HOOK3: variants seen among roughly 807,000 people sequenced by gnomAD.
The protein encoded by HOOK3 is hook microtubule tethering protein 3, also known as protein Hook homolog 3.
A neutral mutation model predicts 116.3 loss-of-function variants in HOOK3; 24 were observed. That is an observed-to-expected ratio of 0.21 (90% CI 0.15 to 0.29). The LOEUF is 0.29. Among genes scored for constraint, HOOK3 ranks in the 10% least tolerant of loss-of-function variants. The probability of loss-of-function intolerance (pLI) is 1.00; values close to 1 mark genes in which losing one functional copy is unlikely to be tolerated. For synonymous variants in HOOK3, 275 were observed against 283.0 expected, an observed-to-expected ratio of 0.97 and a Z score of 0.28; for missense variants, 632 against 830.2, an observed-to-expected ratio of 0.76 and a Z score of 2.93.
At chr8:43,001,051 G>A (rs1355063083) in intron 16 of HOOK3, 1 of 151,922 alleles carries the variant, frequency 6.6e-6, no homozygotes, top group Non-Finnish European at 1.5e-5. Flanking sequence ...GAGGATCACT[G>A]AGGCCCACAA....
At chr8:42,982,267 AAAAG>A (rs1808965408) in intron 13 of HOOK3, among the ~76,000 whole-genome samples, 2 of 141,704 alleles carry the variant, frequency 1.4e-5, no homozygotes, top group Non-Finnish European at 3.1e-5. Context: ...AAAAAAAAAA[AAAAG>A]AAAAAAAAAA....
intron 1 of HOOK3, among the ~76,000 whole-genome samples, chr8:42,903,725 A>G (rs888135925): frequency 1.6e-5 from 1 of 61,972 alleles, no homozygotes; most frequent in Admixed American, 1.8e-4. Context: ...TGGGAGGCTA[A>G]GGCGGGCGGA....
At chr8:42,931,674 T>C (rs1015326832) in intron 4 of HOOK3, among the ~76,000 whole-genome samples, 26 of 151,874 alleles carry the variant, frequency 1.7e-4, no homozygotes, top group Non-Finnish European at 3.4e-4. Context: ...CCTCGTGATC[T>C]GCCCGCCTCG....
At chr8:43,013,887 G>C (rs1221086985) in intron 21 of HOOK3, among the ~76,000 whole-genome samples, 1 of 152,192 alleles carries the variant, frequency 6.6e-6, no homozygotes, top group East Asian at 1.9e-4. Context: ...GTTGGGATGT[G>C]AATAGTTACG....
chr8:42,958,313 AT>A (rs977013518), intron 7 of HOOK3, among the ~76,000 whole-genome samples: 3 of 151,528 alleles, frequency 2.0e-5, no homozygotes, highest in African/African-American at 4.8e-5. Context: ...CCAAGCTTTA[AT>A]TTTTTTTTAT....
intron 4 of HOOK3, among the ~76,000 whole-genome samples, chr8:42,937,936 A>G (rs1808004579): frequency 6.6e-6 from 1 of 152,096 alleles, no homozygotes; most frequent in Non-Finnish European, 1.5e-5. Flanking sequence ...TCAAGTCCTG[A>G]ATATCCTTGT....
At chr8:42,954,042 A>G (rs933590858) in intron 6 of HOOK3, among the ~76,000 whole-genome samples, 1 of 152,214 alleles carries the variant, frequency 6.6e-6, no homozygotes, top group Non-Finnish European at 1.5e-5. Flanking sequence ...ATTATGGTAT[A>G]CTAGTATACT....
chr8:42,902,889 CAT>C (rs1807219147), intron 1 of HOOK3, among the ~76,000 whole-genome samples: 1 of 152,198 alleles, frequency 6.6e-6, no homozygotes, highest in Admixed American at 6.5e-5. Context: ...AAGAATGAGA[CAT>C]AGTCCTCACT....
chr8:42,974,203 GT>G lies in HOOK3; in HGVS notation c.1321+13del, dbSNP rs1291336034. The G allele has an allele frequency of 2.5e-6, 4 of 1,592,880 alleles. No individual in the cohort carries two copies. The African/African-American group carries it at 5.4e-5, about 21-fold the overall frequency. ...GCAGCTCACAACACAAGGTAAAAAC[GT>G]TTTGCGAGTACAAACCAGATGATTT... On this transcript the variant is annotated intron_variant, in intron 13 of 21. Transcript: ENST00000307602.
intron 14 of HOOK3, among the ~76,000 whole-genome samples, chr8:42,983,018 C>T (rs1808981793): frequency 6.6e-6 from 1 of 152,104 alleles, no homozygotes; most frequent in Admixed American, 6.6e-5. Flanking sequence ...TATAAGCATG[C>T]AAAATTATTA....
intron 4 of HOOK3, among the ~76,000 whole-genome samples, chr8:42,938,626 G>A (rs960756381): frequency 3.3e-5 from 5 of 152,118 alleles, no homozygotes; most frequent in African/African-American, 1.2e-4. Flanking sequence ...TGTCTGTAAA[G>A]GGTTTTATTT....
At chr8:42,971,605 C>G (rs1808729042) in intron 11 of HOOK3, among the ~76,000 whole-genome samples, 1 of 151,800 alleles carries the variant, frequency 6.6e-6, no homozygotes, top group Non-Finnish European at 1.5e-5. Context: ...CATCTACAAG[C>G]CTTCTTTGTG....
rs1188770361 is a variant in HOOK3, at chr8:43,025,153, T to TG, written c.*6657dup. ...CTAATTATGGCAAGTATATGAGTTT[T>TG]GGTGATTGTGGGGGGTTATAAATGT... On this transcript the variant is annotated 3_prime_UTR_variant, in exon 22 of 22. Transcript: ENST00000307602. 10 of 210,686 alleles carry TG rather than the reference T, an allele frequency of 4.7e-5. No individual in the cohort carries two copies. Among genetic ancestry groups the TG allele is most frequent in the Non-Finnish European group, 9.6e-5 (10 of 103,864 alleles). The allele number at this position is 210,686 out of a possible 1,614,324, so 13.1% of individuals were successfully genotyped here.
chr8:42,960,354 C>G (rs932904352), intron 8 of HOOK3, among the ~76,000 whole-genome samples: 1 of 152,050 alleles, frequency 6.6e-6, no homozygotes, highest in Admixed American at 6.6e-5. Flanking sequence ...CAGGTATGGA[C>G]AGATTGCAAA....
chr8:42,953,864 C>T (rs1051947031), intron 6 of HOOK3, among the ~76,000 whole-genome samples: 2 of 152,130 alleles, frequency 1.3e-5, no homozygotes, highest in Non-Finnish European at 2.9e-5. Context: ...GTAACTTGCT[C>T]AGGTTCGCAT....
chr8:42,953,662 A>C (rs959447793), intron 6 of HOOK3, among the ~76,000 whole-genome samples: 2 of 152,144 alleles, frequency 1.3e-5, no homozygotes, highest in African/African-American at 4.8e-5. Context: ...GTGAGTAAGC[A>C]ATTTCCATTT....
At chr8:42,982,505 C>A in intron 13 of HOOK3, 122 bp from the exon 14 acceptor site, 1 of 675,666 alleles carries the variant, frequency 1.5e-6, no homozygotes, top group Non-Finnish European at 2.7e-6. Flanking sequence ...ACCACTGTGA[C>A]GTGGTCCTTT....
intron 19 of HOOK3, among the ~76,000 whole-genome samples, chr8:43,012,038 A>C (rs902392688): frequency 2.6e-5 from 4 of 152,206 alleles, no homozygotes; most frequent in Non-Finnish European, 1.5e-5. Flanking sequence ...GGCTTACACC[A>C]GTCAGGACCC....
intron 1 of HOOK3, among the ~76,000 whole-genome samples, chr8:42,900,131 AAGAG>A (rs911950344): frequency 1.1e-4 from 16 of 152,148 alleles, no homozygotes; most frequent in Non-Finnish European, 1.8e-4. Context: ...ATTTTTTCGA[AAGAG>A]AGAGTTACAA....
Sources: allele counts gnomAD v4.1 joint callset (sites outside exome capture counted in the v4.1 genomes callset), GRCh38; gene constraint gnomAD v4.1.1; transcripts MANE v1.5; gene names NCBI Gene and HGNC (gene_info 2026-07-23, HGNC 2026-07-21).